The following TEX14 variants were observed in gnomAD, a reference collection of about 807,000 sequenced individuals.
TEX14 encodes inactive serine/threonine-protein kinase TEX14.
In TEX14, 168 loss-of-function variants were observed where a neutral mutation model predicts 178.6. That is an observed-to-expected ratio of 0.94 (90% CI 0.83 to 1.07). The LOEUF (loss-of-function observed/expected upper bound fraction) is 1.07. TEX14 is among the 50% of genes least tolerant of loss of function. The pLI is 0.00. For synonymous variants in TEX14, 626 were observed against 634.1 expected (o/e 0.99, Z 0.19); for missense variants, 1,730 against 1,753.6 (o/e 0.99, Z 0.24).
chr17:58,574,465 C>G (rs2044626595), intron 21 of TEX14, among the ~76,000 whole-genome samples: 1 of 151,902 alleles, frequency 6.6e-6, no homozygotes, highest in Non-Finnish European at 1.5e-5. Flanking sequence ...GTCACGAGGT[C>G]AACAGATCGA....
At position 58,599,481 on chromosome 17, in the gene TEX14, T is replaced by C; in HGVS notation, c.1864A>G (p.Ile622Val). The C allele has an allele frequency of 1.7e-5, 27 of 1,613,864 alleles. No homozygotes were observed. The highest frequency in any genetic ancestry group is 2.3e-5 in the Non-Finnish European group (27 of 1,179,950). ...TGQPSLCSFE[I>V]NEIYSGCLIL... ...AAGCAGCCTGAGTAGATCTCGTTGATTTCGAAACTGCAGAGGCTTGGCTGA... is the reference window on the plus strand; with the variant it reads ...AAGCAGCCTGAGTAGATCTCGTTGACTTCGAAACTGCAGAGGCTTGGCTGA... The change falls in exon 14 of 32, where the codon ATC (isoleucine) becomes GTC (valine). Residue 622 changes from isoleucine (I) to valine (V), a missense_variant. Ile to Val is a conservative substitution (Grantham distance 29). Transcript: ENST00000349033.
intron 26 of TEX14, among the ~76,000 whole-genome samples, chr17:58,568,443 G>C (rs1281140103): frequency 6.6e-6 from 1 of 152,144 alleles, no homozygotes; most frequent in Non-Finnish European, 1.5e-5. Flanking sequence ...GAAAACCAAG[G>C]GGTGCCCCTC....
chr17:58,652,091 A>G, intron 1 of TEX14, 89 bp from the exon 2 acceptor site: 1 of 1,001,904 alleles, frequency 1.0e-6, no homozygotes, highest in Admixed American at 3.5e-5. Context: ...AAACCTGTCC[A>G]GCCACCTTCA....
At chr17:58,567,114 C>G (rs1355791550) in intron 26 of TEX14, among the ~76,000 whole-genome samples, 4 of 152,148 alleles carry the variant, frequency 2.6e-5, no homozygotes, top group African/African-American at 9.7e-5. Flanking sequence ...TTGCAGTGAG[C>G]TGAGATCACT....
intron 4 of TEX14, among the ~76,000 whole-genome samples, chr17:58,622,041 G>A (rs1235801697): frequency 6.6e-6 from 1 of 152,184 alleles, no homozygotes; most frequent in East Asian, 1.9e-4. Context: ...GCTGGTCCAA[G>A]GCCCAACAGC....
chr17:58,642,031 C>A (rs2046587725), intron 2 of TEX14, among the ~76,000 whole-genome samples: 1 of 152,180 alleles, frequency 6.6e-6, no homozygotes, highest in Non-Finnish European at 1.5e-5. Context: ...CAATTCATTT[C>A]TCTAATGAAG....
chr17:58,602,060 G>A, intron 12 of TEX14, 104 bp from the exon 13 acceptor site: 1 of 1,246,466 alleles, frequency 8.0e-7, no homozygotes, highest in Non-Finnish European at 1.1e-6. Context: ...TCTTATTCCT[G>A]TTGGGTAGAC....
rs1245473426 is a variant in TEX14 at position 58,630,517 on chromosome 17, T to C, written c.174A>G (p.Thr58=). 6.2e-7 allele frequency: 1 copy of C among 1,614,082 alleles called. No individual in the cohort carries two copies. The highest frequency in any genetic ancestry group is 1.1e-5 in the South Asian group (1 of 91,090). Residue 58 remains threonine, a synonymous_variant, in exon 3 of 32, where the codon ACA becomes ACG. Coordinates refer to ENST00000349033, the MANE Select transcript of TEX14 (RefSeq NM_031272.5). Reference sequence around the variant, plus strand: ...CCAATAACGCCGCAACAAAAAGTGCTGTTTGGCCCAAGGAGTTAACTGCAT... The same window carrying C: ...CCAATAACGCCGCAACAAAAAGTGCCGTTTGGCCCAAGGAGTTAACTGCAT... ...YVDAVNSLGQ[T]ALFVAALLGL... is the part of the protein sequence containing the mutation.
intron 2 of TEX14, chr17:58,631,586 T>C (rs933432405): frequency 2.0e-5 from 3 of 148,356 alleles, no homozygotes; most frequent in African/African-American, 5.0e-5. Flanking sequence ...ACTCAAAAAT[T>C]AAAAACATGA....
At chr17:58,677,747 G>C (rs2143525572) in intron 1 of TEX14, 1 of 152,314 alleles carries the variant, frequency 6.6e-6, no homozygotes, top group African/African-American at 2.4e-5. Flanking sequence ...GGAAGGCATG[G>C]TTGTTGCCTG....
intron 1 of TEX14, among the ~76,000 whole-genome samples, chr17:58,685,754 G>A (rs1284985336): frequency 6.6e-6 from 1 of 151,758 alleles, no homozygotes; most frequent in Admixed American, 6.6e-5. Context: ...CAGTTTGGGA[G>A]GCTGAGGTGG....
intron 30 of TEX14, among the ~76,000 whole-genome samples, chr17:58,558,803 T>A (rs1190056601): frequency 6.6e-6 from 1 of 152,192 alleles, no homozygotes; most frequent in Non-Finnish European, 1.5e-5. Flanking sequence ...CCATAAAATA[T>A]GATTTATTAC....
intron 1 of TEX14, among the ~76,000 whole-genome samples, chr17:58,667,015 G>T (rs531100468): frequency 6.6e-6 from 1 of 152,188 alleles, no homozygotes; most frequent in Non-Finnish European, 1.5e-5. Flanking sequence ...TCGCGTCAAT[G>T]CAAGTGACGT....
chr17:58,563,658 T>TATATATATAGAG (rs1351647352), intron 28 of TEX14, among the ~76,000 whole-genome samples: 4 of 17,488 alleles, frequency 2.3e-4, no homozygotes, highest in Non-Finnish European at 3.5e-4. Flanking sequence ...TATATATATA[T>TATATATATAGAG]AGAGAGAGAG....
intron 27 of TEX14, among the ~76,000 whole-genome samples, chr17:58,565,518 A>G (rs1189470696): frequency 6.6e-6 from 1 of 152,236 alleles, no homozygotes; most frequent in Non-Finnish European, 1.5e-5. Context: ...GGCTCTGTAC[A>G]TGGAGCTAAT....
intron 7 of TEX14, 33 bp from the exon 8 acceptor site, chr17:58,615,378 G>C: frequency 7.5e-7 from 1 of 1,333,170 alleles, no homozygotes; most frequent in Admixed American, 1.7e-5. Context: ...CAGCAGAAAG[G>C]AGTGAGCAGC....
intron 2 of TEX14, among the ~76,000 whole-genome samples, chr17:58,651,355 G>T (rs1003034410): frequency 5.3e-5 from 8 of 152,144 alleles, no homozygotes; most frequent in African/African-American, 1.7e-4. Context: ...TGGTTCTTTG[G>T]TTTGTTTTCT....
At chr17:58,605,267 C>G in intron 10 of TEX14, 138 bp from the exon 11 acceptor site, 1 of 954,368 alleles carries the variant, frequency 1.0e-6, no homozygotes, top group Non-Finnish European at 1.5e-6. Flanking sequence ...TCTCAGCTCA[C>G]TGCAACCTCT....
At position 58,599,194 on chromosome 17, in the gene TEX14, G is replaced by A. The variant is rs540233216; in HGVS notation, c.2151C>T (p.Asn717=). 102 of 1,613,982 alleles carry A rather than the reference G, an allele frequency of 6.3e-5. No individual in the cohort carries two copies. The South Asian group carries it at 1.1e-3, about 17-fold the overall frequency. The part of the protein sequence containing the change: ...ESTREAKSNL[N]NMSTTEEYLI... ...GATACTCCTCAGTCGTGGACATGTT[G>A]TTCAAATTGCTCTTGGCTTCTCTGG... The change falls in exon 14 of 32, where the codon AAC becomes AAT. Residue 717 remains asparagine, a synonymous_variant. Transcript: ENST00000349033.
Sources: gnomAD v4.1 joint callset for allele counts (sites outside exome capture counted in the v4.1 genomes callset) on GRCh38, gnomAD v4.1.1 for gene constraint, MANE v1.5 for transcripts, NCBI Gene and HGNC (gene_info 2026-07-23, HGNC 2026-07-21) for gene names.